Variants in ZNF33A observed in about 807,000 individuals in gnomAD.
ZNF33A encodes the protein zinc finger protein 33A, also known as brain my041 protein.
In ZNF33A, 9 loss-of-function variants were observed where a neutral mutation model predicts 15.9. That is an observed-to-expected ratio of 0.57 (90% CI 0.34 to 0.99). ZNF33A has a LOEUF of 0.99. Among genes scored for constraint, ZNF33A ranks in the 50% least tolerant of loss-of-function variants. The probability of loss-of-function intolerance (pLI) is 0.02; values close to 1 mark genes in which losing one functional copy is unlikely to be tolerated. For missense variants in ZNF33A, 843 were observed against 941.6 expected, an observed-to-expected ratio of 0.90 and a Z score of 1.37; for synonymous variants, 294 against 324.2, an observed-to-expected ratio of 0.91 and a Z score of 1.00.
At position 38,057,353 on chromosome 10, in the gene ZNF33A, A is replaced by G. The variant is rs1403544281; in HGVS notation, c.*793A>G. The stretch of plus-strand genomic sequence containing the variant: ...ACTATGAAGTTTTTTTAAAGCACAG[A>G]TAAATTGAATAATCAGGGCAATAGC... On this transcript the variant is annotated 3_prime_UTR_variant, in exon 5 of 5. Transcript: ENST00000432900. The G allele has an allele frequency of 1.0e-6, 1 of 985,346 alleles. No individual in the cohort carries two copies. The highest frequency in any genetic ancestry group is 1.2e-6 in the Non-Finnish European group (1 of 829,936). The allele number at this position is 985,346 out of a possible 1,614,324, so 61.0% of individuals were successfully genotyped here. A position where few individuals can be genotyped will look rare whatever the true frequency, so the allele number is the denominator to read the frequency against.
At position 38,056,687 on chromosome 10, in the gene ZNF33A, G is replaced by T; in HGVS notation, c.*127G>T. Reference sequence around the variant, plus strand: ...ATGTAATATCAGATGGTTAATACGGGCATAACACCTTACAGATTTTTTTTG... The same window carrying T: ...ATGTAATATCAGATGGTTAATACGGTCATAACACCTTACAGATTTTTTTTG... On this transcript the variant is annotated 3_prime_UTR_variant, in exon 5 of 5. Transcript: ENST00000432900. 7.7e-7 allele frequency: 1 copy of T among 1,299,300 alleles called. No homozygotes were observed. The highest frequency in any genetic ancestry group is 9.8e-7 in the Non-Finnish European group (1 of 1,023,928). 80.5% of individuals were successfully genotyped at this position (1,299,300 alleles called of 1,614,324 possible). A position where few individuals can be genotyped will look rare whatever the true frequency, so the allele number is the denominator to read the frequency against.
chr10:38,021,984 CT>C (rs2064766775), intron 4 of ZNF33A, among the ~76,000 whole-genome samples: 1 of 152,060 alleles, frequency 6.6e-6, no homozygotes, highest in South Asian at 2.1e-4. Flanking sequence ...TGGGAGGTAG[CT>C]AAAGCAGTGC....
At chr10:38,061,837 A>G (rs2066658307), downstream of ZNF33A, among the ~76,000 whole-genome samples, 1 of 152,120 alleles carries the variant, frequency 6.6e-6, no homozygotes, top group African/African-American at 2.4e-5. Flanking sequence ...CGTGCCTGTA[A>G]TCCCAGCTAG....
chr10:38,028,198 G>A (rs1424077359), intron 4 of ZNF33A, among the ~76,000 whole-genome samples: 1 of 152,052 alleles, frequency 6.6e-6, no homozygotes, highest in Non-Finnish European at 1.5e-5. Context: ...AGCCCAGGAA[G>A]TCAAGGCTGC....
downstream of ZNF33A, among the ~76,000 whole-genome samples, chr10:38,065,555 C>T (rs2066702581): frequency 6.6e-6 from 1 of 152,200 alleles, no homozygotes; most frequent in Non-Finnish European, 1.5e-5. Flanking sequence ...AAAGCTTAAA[C>T]ATGGCTGGAA....
intron 4 of ZNF33A, among the ~76,000 whole-genome samples, chr10:38,053,792 T>A (rs937831553): frequency 6.6e-6 from 1 of 152,194 alleles, no homozygotes; most frequent in African/African-American, 2.4e-5. Flanking sequence ...TCTGAGTATT[T>A]TCCCACTCAT....
At chr10:38,041,824 A>G (rs112452792) in intron 4 of ZNF33A, among the ~76,000 whole-genome samples, 7 of 152,144 alleles carry the variant, frequency 4.6e-5, no homozygotes, top group Admixed American at 1.3e-4. Flanking sequence ...TTGTTACTTT[A>G]TGTCATTTGA....
chr10:38,010,904 G>A, intron 1 of ZNF33A, 121 bp downstream of exon 1: 1 of 1,238,234 alleles, frequency 8.1e-7, no homozygotes, highest in South Asian at 1.3e-5. Flanking sequence ...GGGGAAGGCG[G>A]GGACGGCGGG....
Position 38,016,921 on chromosome 10 carries a change from C to T in ZNF33A, c.60C>T (p.Gly20=). The change falls in exon 3 of 5, where the codon GGC becomes GGT. Residue 20 remains glycine, a synonymous_variant. Transcript: ENST00000432900. ...ESVSFKDVTV[G]FTQEEWQHLD... ...TATCATTTAAAGATGTGACTGTGGG[C>T]TTCACCCAGGAGGAGTGGCAGCACC... is the stretch of plus-strand genomic sequence containing the variant. 8 of 1,613,974 alleles carry T rather than the reference C, an allele frequency of 5.0e-6. No homozygotes were observed. Among genetic ancestry groups the T allele is most frequent in the South Asian group, 1.1e-5 (1 of 91,062 alleles).
At chr10:38,032,874 G>A (rs1231639620) in intron 4 of ZNF33A, among the ~76,000 whole-genome samples, 1 of 152,060 alleles carries the variant, frequency 6.6e-6, no homozygotes. Context: ...AGCCTCCCGA[G>A]TAGCTGGGAT....
intron 4 of ZNF33A, among the ~76,000 whole-genome samples, chr10:38,041,148 G>T (rs1406292538): frequency 1.3e-5 from 2 of 151,854 alleles, no homozygotes; most frequent in Non-Finnish European, 2.9e-5. Flanking sequence ...TAGGTTTCGA[G>T]GGTACAAGTG....
chr10:38,021,633 CA>C (rs1255848340), intron 4 of ZNF33A, among the ~76,000 whole-genome samples: 3 of 150,474 alleles, frequency 2.0e-5, no homozygotes, highest in African/African-American at 7.3e-5. Context: ...GACTCTGTCT[CA>C]AAAAAGAAAA....
intron 4 of ZNF33A, among the ~76,000 whole-genome samples, chr10:38,044,657 C>T (rs1296387001): frequency 6.6e-6 from 1 of 151,848 alleles, no homozygotes. Flanking sequence ...GTAGTGTTTC[C>T]TTATGAACAT....
Position 38,057,351 on chromosome 10 carries a change from A to G in ZNF33A, c.*791A>G. Reference sequence around the variant, plus strand: ...TGACTATGAAGTTTTTTTAAAGCACAGATAAATTGAATAATCAGGGCAATA... The same window carrying G: ...TGACTATGAAGTTTTTTTAAAGCACGGATAAATTGAATAATCAGGGCAATA... On this transcript the variant is annotated 3_prime_UTR_variant, in exon 5 of 5. Coordinates refer to ENST00000432900, the MANE Select transcript of ZNF33A (RefSeq NM_006954.2). 1 of 985,454 alleles carries G rather than the reference A, an allele frequency of 1.0e-6. No homozygotes were observed. The allele number at this position is 985,454 out of a possible 1,614,324, so 61.0% of individuals were successfully genotyped here. A position where few individuals can be genotyped will look rare whatever the true frequency, so the allele number is the denominator to read the frequency against.
intron 4 of ZNF33A, among the ~76,000 whole-genome samples, chr10:38,048,376 T>C (rs1306304869): frequency 1.3e-5 from 2 of 152,168 alleles, no homozygotes; most frequent in African/African-American, 4.8e-5. Flanking sequence ...AGAAGTAAAG[T>C]ATATACTATT....
downstream of ZNF33A, chr10:38,060,153 C>A: frequency 1.2e-6 from 1 of 858,228 alleles, no homozygotes; most frequent in Non-Finnish European, 1.4e-6. Flanking sequence ...AATTGAATTG[C>A]TTTTGTACAT....
intron 4 of ZNF33A, among the ~76,000 whole-genome samples, chr10:38,027,496 A>G (rs2065036562): frequency 6.6e-6 from 1 of 151,456 alleles, no homozygotes; most frequent in East Asian, 1.9e-4. Flanking sequence ...CTACAGCTGT[A>G]TACCACCATG....
intron 4 of ZNF33A, among the ~76,000 whole-genome samples, chr10:38,041,999 G>A (rs1451872333): frequency 6.6e-6 from 1 of 152,048 alleles, no homozygotes; most frequent in Non-Finnish European, 1.5e-5. Flanking sequence ...AGTGTGTGTT[G>A]TTCCCCTCCC....
chr10:38,046,998 C>T (rs1338591645), intron 4 of ZNF33A, among the ~76,000 whole-genome samples: 1 of 151,624 alleles, frequency 6.6e-6, no homozygotes, highest in Non-Finnish European at 1.5e-5. Flanking sequence ...ATGGTGAAAC[C>T]TTGTCTGTAC....
Sources: allele counts gnomAD v4.1 joint callset (sites outside exome capture counted in the v4.1 genomes callset), GRCh38; gene constraint gnomAD v4.1.1; transcripts MANE v1.5; gene names NCBI Gene and HGNC (gene_info 2026-07-23, HGNC 2026-07-21).